Variants in CNTN5 observed in about 807,000 individuals in gnomAD.
CNTN5 encodes the protein contactin-5.
A neutral mutation model predicts 129.1 loss-of-function variants in CNTN5; 77 were observed. That is an observed-to-expected ratio of 0.60 (90% CI 0.50 to 0.72). The LOEUF is 0.72. CNTN5 is among the 30% of genes least tolerant of loss of function. CNTN5 has a pLI of 0.00. For missense variants in CNTN5, 1,478 were observed against 1,328.8 expected, an observed-to-expected ratio of 1.11 and a Z score of -1.75; for synonymous variants, 509 against 465.6, an observed-to-expected ratio of 1.09 and a Z score of -1.20.
At chr11:100,333,021 A>G (rs1951939286) in intron 21 of CNTN5, among the ~76,000 whole-genome samples, 1 of 152,072 alleles carries the variant, frequency 6.6e-6, no homozygotes, top group Non-Finnish European at 1.5e-5. Flanking sequence ...TTTGCTGATG[A>G]TATGATTGTA....
At chr11:99,109,935 T>C (rs537096675) in intron 1 of CNTN5, among the ~76,000 whole-genome samples, 11 of 152,264 alleles carry the variant, frequency 7.2e-5, no homozygotes, top group African/African-American at 1.7e-4. Flanking sequence ...TCAAGTTTAC[T>C]CTAAATAATG....
chr11:99,420,464 A>C (rs957783570), intron 2 of CNTN5, among the ~76,000 whole-genome samples: 1 of 152,150 alleles, frequency 6.6e-6, no homozygotes, highest in African/African-American at 2.4e-5. Context: ...TTTCATACAT[A>C]ATGTCACACT....
At chr11:99,261,134 C>A (rs10893018) in intron 1 of CNTN5, among the ~76,000 whole-genome samples, 23,283 of 151,828 alleles carry the variant, frequency 0.15, 2,241 homozygotes, top group Non-Finnish European at 0.21. Context: ...TATAAAAGAT[C>A]TGTAATATTT....
chr11:99,540,225 A>G (rs1012853161), intron 2 of CNTN5, among the ~76,000 whole-genome samples: 1 of 152,212 alleles, frequency 6.6e-6, no homozygotes, highest in African/African-American at 2.4e-5. Flanking sequence ...CTAAGAACTA[A>G]TGATAACTAA....
At chr11:99,704,095 C>T (rs1211935797) in intron 3 of CNTN5, among the ~76,000 whole-genome samples, 1 of 148,570 alleles carries the variant, frequency 6.7e-6, no homozygotes, top group South Asian at 2.1e-4. Flanking sequence ...ATACATACAC[C>T]CATATGCATG....
chr11:100,092,662 A>G (rs1219558469), intron 13 of CNTN5, among the ~76,000 whole-genome samples: 1 of 152,196 alleles, frequency 6.6e-6, no homozygotes, highest in Non-Finnish European at 1.5e-5. Flanking sequence ...ACACCACATT[A>G]AAGCTGTTAT....
chr11:99,749,959 G>T (rs1319275956), intron 3 of CNTN5, among the ~76,000 whole-genome samples: 1 of 152,024 alleles, frequency 6.6e-6, no homozygotes, highest in Non-Finnish European at 1.5e-5. Context: ...CCTCCTTACT[G>T]CTTATTGGGA....
chr11:99,767,764 C>T (rs574965700), intron 3 of CNTN5, among the ~76,000 whole-genome samples: 3 of 151,918 alleles, frequency 2.0e-5, no homozygotes, highest in African/African-American at 4.8e-5. Flanking sequence ...AAGGCAGTGA[C>T]GTTACAGCAA....
intron 1 of CNTN5, among the ~76,000 whole-genome samples, chr11:99,021,800 G>C (rs1186482752): frequency 6.6e-6 from 1 of 152,134 alleles, no homozygotes; most frequent in Non-Finnish European, 1.5e-5. Context: ...CTGTATCTTG[G>C]ATTATGCTGA....
At chr11:99,883,080 C>T (rs1349176517) in intron 6 of CNTN5, among the ~76,000 whole-genome samples, 11 of 152,094 alleles carry the variant, frequency 7.2e-5, no homozygotes, top group Non-Finnish European at 1.6e-4. Flanking sequence ...CTGAATAGTA[C>T]CCCGTTGTGT....
chr11:99,876,496 T>A (rs1948636607), intron 6 of CNTN5, among the ~76,000 whole-genome samples: 1 of 152,124 alleles, frequency 6.6e-6, no homozygotes, highest in South Asian at 2.1e-4. Flanking sequence ...AGCCGCACTA[T>A]ATGTACCTGG....
At chr11:99,414,849 G>A (rs990834419) in intron 2 of CNTN5, among the ~76,000 whole-genome samples, 11 of 152,164 alleles carry the variant, frequency 7.2e-5, no homozygotes, top group Admixed American at 2.0e-4. Flanking sequence ...AATCAAACGG[G>A]TGGTCAGAGT....
chr11:99,590,644 A>C (rs2466891), intron 3 of CNTN5, among the ~76,000 whole-genome samples: 41,653 of 152,186 alleles, frequency 0.27, 5,992 homozygotes, highest in Middle Eastern at 0.35. Flanking sequence ...TGGCAAGAAC[A>C]TTCCAGACAA....
chr11:99,394,169 T>C (rs1741566432), intron 2 of CNTN5, among the ~76,000 whole-genome samples: 1 of 151,710 alleles, frequency 6.6e-6, no homozygotes, highest in South Asian at 2.1e-4. Flanking sequence ...CAATTTAGTA[T>C]TATTGAATAT....
intron 13 of CNTN5, among the ~76,000 whole-genome samples, chr11:100,109,319 G>C (rs563412761): frequency 6.6e-6 from 1 of 152,170 alleles, no homozygotes; most frequent in African/African-American, 2.4e-5. Context: ...CCAGCTACTC[G>C]GGAGGCTGAG....
At chr11:99,893,618 T>C (rs1949122973) in intron 6 of CNTN5, among the ~76,000 whole-genome samples, 1 of 152,118 alleles carries the variant, frequency 6.6e-6, no homozygotes, top group African/African-American at 2.4e-5. Context: ...AGGAAGGATG[T>C]AGTGAGTTGT....
chr11:100,102,273 A>G (rs987795968), intron 13 of CNTN5, among the ~76,000 whole-genome samples: 27 of 151,410 alleles, frequency 1.8e-4, no homozygotes, highest in Admixed American at 2.6e-4. Context: ...CAGGAGTAGG[A>G]TGGTATCTCA....
chr11:99,715,255 G>C (rs1955170304), intron 3 of CNTN5, among the ~76,000 whole-genome samples: 1 of 151,860 alleles, frequency 6.6e-6, no homozygotes, highest in East Asian at 1.9e-4. Context: ...AAAGTCTGTA[G>C]TGGGAGAACT....
chr11:99,306,395 A>C (rs1386075354), intron 1 of CNTN5, among the ~76,000 whole-genome samples: 1 of 152,228 alleles, frequency 6.6e-6, no homozygotes, highest in Non-Finnish European at 1.5e-5. Context: ...AGTTGTAATT[A>C]TGTAAGGCGT....
Sources: allele counts gnomAD v4.1 joint callset (sites outside exome capture counted in the v4.1 genomes callset), GRCh38; gene constraint gnomAD v4.1.1; transcripts MANE v1.5; gene names NCBI Gene and HGNC (gene_info 2026-07-23, HGNC 2026-07-21).